Variants in ZCCHC7 observed in about 807,000 individuals in gnomAD.
The protein encoded by ZCCHC7 is zinc finger CCHC-type containing 7, also known as zinc finger CCHC domain-containing protein 7.
Under a neutral mutation model 52.0 loss-of-function variants are expected in ZCCHC7, and 35 were observed. That is an observed-to-expected ratio of 0.67 (90% CI 0.51 to 0.89). ZCCHC7 has a LOEUF of 0.89. Among genes scored for constraint, ZCCHC7 ranks in the 40% least tolerant of loss-of-function variants. ZCCHC7 has a pLI of 0.00. For synonymous variants in ZCCHC7, 217 were observed against 221.5 expected (o/e 0.98, Z 0.18); for missense variants, 574 against 649.1 (o/e 0.88, Z 1.26).
At chr9:37,266,010 C>A (rs557502794) in intron 2 of ZCCHC7, among the ~76,000 whole-genome samples, 2 of 152,296 alleles carry the variant, frequency 1.3e-5, no homozygotes, top group East Asian at 3.9e-4. Flanking sequence ...ATTCCTACTT[C>A]TTCCTCAAGA....
intron 2 of ZCCHC7, among the ~76,000 whole-genome samples, chr9:37,140,047 A>C (rs1843157023): frequency 6.6e-6 from 1 of 151,992 alleles, no homozygotes; most frequent in Non-Finnish European, 1.5e-5. Flanking sequence ...CAGGATTTGG[A>C]AGAATATGAC....
chr9:37,164,885 A>T (rs1821334341), intron 2 of ZCCHC7, among the ~76,000 whole-genome samples: 1 of 152,152 alleles, frequency 6.6e-6, no homozygotes, highest in South Asian at 2.1e-4. Flanking sequence ...TATAGATTTT[A>T]AGTGTAGTCC....
chr9:37,352,682 AT>A (rs34360630), intron 7 of ZCCHC7, among the ~76,000 whole-genome samples: 27,550 of 136,584 alleles, frequency 0.2, 2,618 homozygotes, highest in Middle Eastern at 0.25. Context: ...ACACCTGGCT[AT>A]TTTTTTTTTT....
intron 2 of ZCCHC7, among the ~76,000 whole-genome samples, chr9:37,197,140 A>G (rs753382038): frequency 1.3e-5 from 2 of 152,196 alleles, no homozygotes. Context: ...ATCAAAGCCA[A>G]GGTAGAGGAA....
At chr9:37,164,290 C>G (rs960146798) in intron 2 of ZCCHC7, among the ~76,000 whole-genome samples, 1 of 151,940 alleles carries the variant, frequency 6.6e-6, no homozygotes, top group Admixed American at 6.6e-5. Flanking sequence ...ACTAAAAATA[C>G]AAAAATTAGC....
At chr9:37,130,594 G>A (rs1842741956) in intron 2 of ZCCHC7, among the ~76,000 whole-genome samples, 2 of 150,538 alleles carry the variant, frequency 1.3e-5, no homozygotes, top group African/African-American at 2.4e-5. Context: ...CCGGGTTCAC[G>A]CCATTCTCCT....
At chr9:37,164,876 A>G (rs1375833964) in intron 2 of ZCCHC7, among the ~76,000 whole-genome samples, 1 of 152,200 alleles carries the variant, frequency 6.6e-6, no homozygotes, top group East Asian at 1.9e-4. Context: ...GCATTTCTGT[A>G]TAGATTTTAA....
chr9:37,345,975 G>A (rs1321995767), intron 6 of ZCCHC7, among the ~76,000 whole-genome samples: 4 of 147,694 alleles, frequency 2.7e-5, no homozygotes, highest in Non-Finnish European at 6.0e-5. Context: ...TTTTGGTTTG[G>A]TTTGGTTTGG....
chr9:37,323,908 A>G (rs1018298514), intron 5 of ZCCHC7, among the ~76,000 whole-genome samples: 1 of 152,168 alleles, frequency 6.6e-6, no homozygotes, highest in African/African-American at 2.4e-5. Flanking sequence ...CTATAAGTCT[A>G]TGAAGAGCCT....
intron 4 of ZCCHC7, 87 bp from the exon 5 acceptor site, chr9:37,305,457 A>AT (rs1044411860): frequency 2.7e-5 from 40 of 1,500,322 alleles, no homozygotes; most frequent in Admixed American, 2.0e-4. Flanking sequence ...ATTAGAAAAG[A>AT]TTTTTTTATG....
At chr9:37,124,355 C>T (rs143615447) in intron 1 of ZCCHC7, among the ~76,000 whole-genome samples, 1 of 151,554 alleles carries the variant, frequency 6.6e-6, no homozygotes, top group East Asian at 1.9e-4. Flanking sequence ...CAGAGAAATT[C>T]ATCTCATAAT....
chr9:37,348,347 G>GTTCTTTCTTTCTTTCT (rs58182218), intron 6 of ZCCHC7, among the ~76,000 whole-genome samples: 12,851 of 135,420 alleles, frequency 0.095, 738 homozygotes, highest in Non-Finnish European at 0.12. Flanking sequence ...ATACCAGTTC[G>GTTCTTTCTTTCTTTCT]TTCTTTCTTT....
intron 2 of ZCCHC7, among the ~76,000 whole-genome samples, chr9:37,234,934 C>A (rs772595275): frequency 1.4e-4 from 21 of 152,088 alleles, no homozygotes; most frequent in Non-Finnish European, 2.5e-4. Flanking sequence ...AAATAACTTT[C>A]TAAGTTTTAT....
At chr9:37,218,942 ATTTTT>A (rs5897682) in intron 2 of ZCCHC7, among the ~76,000 whole-genome samples, 2 of 106,402 alleles carry the variant, frequency 1.9e-5, no homozygotes, top group Non-Finnish European at 1.9e-5. Context: ...CTAGAGCAAC[ATTTTT>A]TTTTTTTTTT....
intron 2 of ZCCHC7, among the ~76,000 whole-genome samples, chr9:37,254,357 T>A (rs1363873217): frequency 6.6e-6 from 1 of 152,022 alleles, no homozygotes; most frequent in African/African-American, 2.4e-5. Context: ...GCCTTTGGTG[T>A]TTATTTACAA....
intron 2 of ZCCHC7, among the ~76,000 whole-genome samples, chr9:37,211,076 G>A (rs1362522624): frequency 6.6e-6 from 1 of 152,192 alleles, no homozygotes; most frequent in Admixed American, 6.5e-5. Context: ...TGGTTAGCTG[G>A]AACAGTGTGA....
chr9:37,235,467 T>TTTCC (rs1181197186), intron 2 of ZCCHC7, among the ~76,000 whole-genome samples: 1 of 150,962 alleles, frequency 6.6e-6, no homozygotes, highest in Non-Finnish European at 1.5e-5. Context: ...CTTTCCTTCC[T>TTTCC]TTCCTTCCTT....
intron 6 of ZCCHC7, among the ~76,000 whole-genome samples, chr9:37,341,509 A>C (rs1207939866): frequency 1.3e-5 from 2 of 152,148 alleles, no homozygotes; most frequent in Admixed American, 6.5e-5. Flanking sequence ...CCCTGCCCTC[A>C]CAGAACTTAC....
At chr9:37,129,018 T>G (rs1479563169) in intron 2 of ZCCHC7, among the ~76,000 whole-genome samples, 1 of 152,232 alleles carries the variant, frequency 6.6e-6, no homozygotes, top group East Asian at 1.9e-4. Flanking sequence ...TTTTGTTGAT[T>G]TCAAATTCTC....
Sources: allele counts gnomAD v4.1 joint callset (sites outside exome capture counted in the v4.1 genomes callset), GRCh38; gene constraint gnomAD v4.1.1; transcripts MANE v1.5; gene names NCBI Gene and HGNC (gene_info 2026-07-23, HGNC 2026-07-21).